The following ACLY variants were observed in gnomAD, a reference collection of about 807,000 sequenced individuals.
ACLY encodes ATP citrate lyase.
In ACLY, 41 loss-of-function variants were observed where a neutral mutation model predicts 133.0. The ratio of observed to expected loss-of-function variants is 0.31; its 90% CI spans 0.24 to 0.40. The LOEUF is 0.40. Among genes scored for constraint, ACLY ranks in the 10% least tolerant of loss-of-function variants. The pLI, the probability that ACLY is intolerant of heterozygous loss-of-function variation, is 1.00. For missense variants in ACLY, 1,046 were observed against 1,453.8 expected (o/e 0.72, Z 4.56); for synonymous variants, 495 against 549.3 (o/e 0.90, Z 1.38).
At chr17:41,889,236 C>T (rs1176175462) in intron 16 of ACLY, among the ~76,000 whole-genome samples, 2 of 152,052 alleles carry the variant, frequency 1.3e-5, no homozygotes, top group Admixed American at 1.3e-4. Flanking sequence ...AAAGAAGCAG[C>T]AGCCGGACGT....
chr17:41,868,967 G>A, intron 27 of ACLY, 76 bp downstream of exon 27: 1 of 1,388,302 alleles, frequency 7.2e-7, no homozygotes, highest in South Asian at 1.2e-5. Context: ...TTATGAGTAT[G>A]CATTACTTTT....
rs530666346 is a variant in ACLY, at chr17:41,906,085, A to G, written c.867-427T>C. 4.6e-5 allele frequency among the ~76,000 whole-genome samples: 7 copies of G among 152,356 alleles called. No individual in the cohort carries two copies. The South Asian group carries it at 1.2e-3, about 27-fold the overall frequency. On this transcript the variant is annotated intron_variant, in intron 8 of 28. Coordinates refer to ENST00000352035, the MANE Select transcript of ACLY (RefSeq NM_001096.3). The stretch of plus-strand genomic sequence containing the variant: ...GTGAGCAGGTGTCTACCATGCTTAA[A>G]GTGAAAAAAACTGCTAATTATTGTA...
intron 14 of ACLY, 89 bp from the exon 15 acceptor site, chr17:41,893,263 G>A (rs991437898): frequency 4.2e-6 from 6 of 1,427,340 alleles, no homozygotes; most frequent in Admixed American, 4.3e-5. Context: ...ACCCCTCCAC[G>A]CCCCATGTCC....
chr17:41,903,755 CAAAAAAAAAAAAAAAAA>C (rs10615655), intron 10 of ACLY, among the ~76,000 whole-genome samples: 1 of 48,690 alleles, frequency 2.1e-5, no homozygotes, highest in Non-Finnish European at 3.3e-5. Flanking sequence ...GACTCTGTCT[CAAAAAAAAAAAAAAAAA>C]AAAAAAAAAA....
At chr17:41,905,751 A>G (rs1264550916) in intron 8 of ACLY, 93 bp from the exon 9 acceptor site, 13 of 1,506,382 alleles carry the variant, frequency 8.6e-6, no homozygotes, top group Admixed American at 3.4e-5. Context: ...CCCTCAAAAC[A>G]CTGGAGTTAG....
rs1555630942 is a variant in ACLY at position 41,898,765 on chromosome 17, TGG to T, written c.1202_1203del (p.Pro401HisfsTer57). 2 of 1,613,870 alleles carry T rather than the reference TGG, an allele frequency of 1.2e-6. No homozygotes were observed. On this transcript the variant is annotated frameshift_variant, in exon 12 of 29. Transcript: ENST00000352035. LOFTEE classifies it high-confidence loss of function. ...TGAGTCTCTGTGCCAAAGACATGGATGGGGATCCCAGTGGTCTTCCCTGCAAG... is the reference window on the plus strand; with the variant it reads ...TGAGTCTCTGTGCCAAAGACATGGATGGATCCCAGTGGTCTTCCCTGCAAG... The part of the protein sequence containing the change: ...MGEVGKTTGI[P>X]IHVFGTETHM...
rs1466449294 is a variant in ACLY, at chr17:41,890,610, C to A, written c.1770+1669G>T. Among the ~76,000 whole-genome samples, 3 of 152,076 alleles carry A rather than the reference C, an allele frequency of 2.0e-5. No individual in the cohort carries two copies. In the East Asian group the frequency reaches 5.8e-4, roughly 29 times the overall value. On this transcript the variant is annotated intron_variant, in intron 16 of 28. Coordinates refer to ENST00000352035, the MANE Select transcript of ACLY (RefSeq NM_001096.3). ...GGCTGAGGCAGAAGAATCACTTGAA[C>A]CCGGGAGGCGGAGGTTGCGGTGAGC...
intron 22 of ACLY, 88 bp from the exon 23 acceptor site, chr17:41,874,053 C>T (rs1555625580): frequency 7.7e-7 from 1 of 1,304,608 alleles, no homozygotes; most frequent in Non-Finnish European, 1.0e-6. Flanking sequence ...ACTCTCAGAA[C>T]CAAAGCACCC....
Position 41,906,554 on chromosome 17 carries a change from G to A in ACLY, c.840C>T (p.Ala280=), listed in dbSNP as rs782375503. The stretch of plus-strand genomic sequence containing the variant: ...TGTACACGACAGAGGCGCCACCCCC[G>A]GCCACCATGGTCCAGATCCTCCCTT... ...NPKGRIWTMV[A]GGGASVVYSD... The change falls in exon 8 of 29, where the codon GCC becomes GCT. Residue 280 remains alanine, a synonymous_variant. Coordinates refer to ENST00000352035, the MANE Select transcript of ACLY (RefSeq NM_001096.3). The A allele has an allele frequency of 6.2e-6, 10 of 1,614,018 alleles. No homozygotes were observed. The highest frequency in any genetic ancestry group is 2.2e-5 in the East Asian group (1 of 44,880).
At chr17:41,876,019 TC>T (rs1317275862) in intron 22 of ACLY, among the ~76,000 whole-genome samples, 1 of 131,766 alleles carries the variant, frequency 7.6e-6, no homozygotes, top group Non-Finnish European at 1.6e-5. Flanking sequence ...CCGGCCGCCA[TC>T]CCATCTAGGA....
At chr17:41,869,316 A>G (rs375423940) in intron 26 of ACLY, among the ~76,000 whole-genome samples, 158 bp downstream of exon 26, 2 of 152,350 alleles carry the variant, frequency 1.3e-5, no homozygotes, top group East Asian at 3.8e-4. Flanking sequence ...CCTAGTTGAC[A>G]TTTAGTGCAT....
At chr17:41,883,836 C>T (rs1033654721) in intron 19 of ACLY, among the ~76,000 whole-genome samples, 18 of 152,052 alleles carry the variant, frequency 1.2e-4, no homozygotes, top group African/African-American at 4.3e-4. Flanking sequence ...CCAGTTGCCT[C>T]AGCCTCCCAA....
chr17:41,927,770 G>C (rs1464763085), intron 1 of ACLY, among the ~76,000 whole-genome samples: 1 of 151,718 alleles, frequency 6.6e-6, no homozygotes, highest in Non-Finnish European at 1.5e-5. Context: ...AGGTGGCAGT[G>C]AGCTGAGATC....
chr17:41,912,499 T>G lies in ACLY; in HGVS notation c.203A>C (p.Lys68Thr). ...GAGGTTGACCCCAACGAGACCAAGT[T>G]TTCCACGACGTTTGATCAGCTGGTC... ...KPDQLIKRRG[K>T]LGLVGVNLTL... The change falls in exon 3 of 29, where the codon AAA becomes ACA. Residue 68 changes from lysine (K) to threonine (T), a missense_variant. Physicochemically the swap from Lys to Thr is moderately conservative, Grantham distance 78 (BLOSUM62 -1). This residue lies in a region of ACLY where 227 missense variants were observed against 245.6 expected (regional missense o/e 0.92). Coordinates refer to ENST00000352035, the MANE Select transcript of ACLY (RefSeq NM_001096.3). 1 of 1,614,178 alleles carries G rather than the reference T, an allele frequency of 6.2e-7. No individual in the cohort carries two copies. The highest frequency in any genetic ancestry group is 8.5e-7 in the Non-Finnish European group (1 of 1,180,020).
intron 25 of ACLY, chr17:41,870,418 G>A (rs1020565652): frequency 1.3e-5 from 2 of 152,178 alleles, no homozygotes; most frequent in Admixed American, 6.6e-5. Flanking sequence ...CACCTGAGAT[G>A]GCCAAGTGTT....
intron 22 of ACLY, among the ~76,000 whole-genome samples, 157 bp downstream of exon 22, chr17:41,877,946 T>C (rs2048806524): frequency 6.6e-6 from 1 of 151,880 alleles, no homozygotes; most frequent in Non-Finnish European, 1.5e-5. Context: ...CTCTCCTTTA[T>C]ATATATATAT....
At position 41,913,870 on chromosome 17, in the gene ACLY, A is replaced by G; in HGVS notation, c.4T>C (p.Ser2Pro). 3 of 1,614,224 alleles carry G rather than the reference A, an allele frequency of 1.9e-6. No homozygotes were observed. Among genetic ancestry groups the G allele is most frequent in the Non-Finnish European group, 2.5e-6 (3 of 1,180,030 alleles). Reference protein sequence around the residue: MSAKAISEQTGK... With the variant: MPAKAISEQTGK... ...GTCTGCTCTGAAATTGCCTTGGCCG[A>G]CATGGCTGCAGAGAGACCTGCTCTA... The change falls in exon 2 of 29, where the codon TCG becomes CCG. Residue 2 changes from serine to proline, a missense_variant. Ser to Pro is a moderately conservative substitution (Grantham distance 74). Transcript: ENST00000352035.
chr17:41,915,447 A>G (rs1383992187), intron 1 of ACLY, among the ~76,000 whole-genome samples: 2 of 152,190 alleles, frequency 1.3e-5, no homozygotes, highest in Admixed American at 1.3e-4. Flanking sequence ...AGAGAAGGCC[A>G]ACATTCCAGG....
intron 22 of ACLY, among the ~76,000 whole-genome samples, chr17:41,875,101 C>T (rs375880972): frequency 1.3e-5 from 2 of 151,890 alleles, no homozygotes; most frequent in African/African-American, 2.4e-5. Flanking sequence ...GTAATCTCAG[C>T]ACTTTGGGAG....
Sources: allele counts gnomAD v4.1 joint callset (sites outside exome capture counted in the v4.1 genomes callset), GRCh38; gene constraint gnomAD v4.1.1; regional missense constraint gnomAD v4.1.1; transcripts MANE v1.5; gene names NCBI Gene and HGNC (gene_info 2026-07-23, HGNC 2026-07-21).